WNK3: variants seen among roughly 807,000 people sequenced by gnomAD.
WNK3 encodes serine/threonine-protein kinase WNK3.
In WNK3, 18 loss-of-function variants were observed where a neutral mutation model predicts 116.7. The ratio of observed to expected loss-of-function variants is 0.15; its 90% CI spans 0.11 to 0.23. The LOEUF (loss-of-function observed/expected upper bound fraction) is 0.23, where lower values mean the gene tolerates loss of function less well. WNK3 is among the 10% of genes least tolerant of loss of function. WNK3 has a pLI of 1.00. For synonymous variants in WNK3, 404 were observed against 469.4 expected, an observed-to-expected ratio of 0.86 and a Z score of 1.80; for missense variants, 993 against 1,323.8, an observed-to-expected ratio of 0.75 and a Z score of 3.88.
chrX:54,244,698 C>T (rs1373321362), intron 17 of WNK3, among the ~76,000 whole-genome samples: 1 of 111,913 alleles, frequency 8.9e-6, no homozygotes, highest in Non-Finnish European at 1.9e-5. Context: ...TTCACCTTAT[C>T]TTATGTAAAG....
intron 6 of WNK3, among the ~76,000 whole-genome samples, chrX:54,298,662 T>A (rs1165142790): frequency 5.4e-5 from 6 of 111,780 alleles, no homozygotes; most frequent in African/African-American, 1.9e-4. Flanking sequence ...TAAAAATGAA[T>A]TCTTACAAGT....
Position 54,209,870 on chromosome X carries a change from G to T in WNK3, c.4871-7677C>A, listed in dbSNP as rs182265568. 6.6e-3 allele frequency among the ~76,000 whole-genome samples: 735 copies of T among 110,963 alleles called. 3 individuals are homozygous for T. Among genetic ancestry groups the T allele is most frequent in the Non-Finnish European group, 9.9e-3 (522 of 52,955 alleles). On this transcript the variant is annotated intron_variant, in intron 22 of 23. Coordinates refer to ENST00000354646, the Ensembl canonical transcript of WNK3. ...CTGGCCAAGCACTGCTTCCTAAAAT[G>T]GGTTCCCTGGTAAAATTGTTTTGGG...
At chrX:54,308,620 T>C (rs995243857) in intron 4 of WNK3, among the ~76,000 whole-genome samples, 12 of 112,451 alleles carry the variant, frequency 1.1e-4, no homozygotes, top group African/African-American at 3.9e-4. Context: ...ATTAATAAAA[T>C]GTTTTTATTT....
intron 1 of WNK3, among the ~76,000 whole-genome samples, chrX:54,345,240 TCAACAA>T (rs78968161): frequency 3.9e-4 from 36 of 93,147 alleles, no homozygotes; most frequent in East Asian, 7.0e-4. Context: ...AGACTCTGTC[TCAACAA>T]CAACAACAAC....
intron 10 of WNK3, among the ~76,000 whole-genome samples, chrX:54,270,011 T>A (rs1329254844): frequency 8.9e-6 from 1 of 111,968 alleles, no homozygotes; most frequent in Admixed American, 9.6e-5. Context: ...AGTTTTGTTT[T>A]TGAGAGGTAG....
At chrX:54,250,208 TTAAA>T (rs1345870468) in intron 15 of WNK3, 77 bp from the exon 16 acceptor site, 1 of 973,702 alleles carries the variant, frequency 1.0e-6, no homozygotes, top group Non-Finnish European at 1.4e-6. Context: ...AGAAGCCAGG[TTAAA>T]TAAACAATTT....
chrX:54,222,490 T>C (rs1189221967), intron 22 of WNK3, among the ~76,000 whole-genome samples: 2 of 104,402 alleles, frequency 1.9e-5, no homozygotes, highest in African/African-American at 7.0e-5. Context: ...GCCCGGGAGG[T>C]TGAGGTTATA....
At chrX:54,345,282 A>ATGTATGTATG (rs1569539566) in intron 1 of WNK3, among the ~76,000 whole-genome samples, 19 of 100,921 alleles carry the variant, frequency 1.9e-4, no homozygotes, top group South Asian at 9.1e-4. Context: ...AACTATATAT[A>ATGTATGTATG]TATGTATGTA....
chrX:54,214,658 C>T (rs782354811), intron 22 of WNK3, among the ~76,000 whole-genome samples: 1 of 111,470 alleles, frequency 9.0e-6, no homozygotes, highest in African/African-American at 3.3e-5. Context: ...TTGTGGTAGC[C>T]AACAAACAGC....
In WNK3 at chrX:54,333,786, T is replaced by C. The variant is rs183731352; in HGVS notation, c.-113A>G. The C allele has an allele frequency of 5.7e-5, 29 of 512,085 alleles. No homozygotes were observed. The highest frequency in any genetic ancestry group is 4.3e-4 in the African/African-American group (18 of 42,257). 42.2% of individuals were successfully genotyped at this position (512,085 alleles called of 1,213,427 possible). ...CCTTTTGCGTGGTCATGTATTTCCA[T>C]AGCAACCTGAAGGGGGGGAAAAAGA... On this transcript the variant is annotated 5_prime_UTR_variant, in exon 2 of 24. It removes an upstream start codon present in the reference 5' UTR. Transcript: ENST00000354646.
intron 1 of WNK3, among the ~76,000 whole-genome samples, chrX:54,334,316 G>T (rs1325668843): frequency 9.0e-6 from 1 of 111,384 alleles, no homozygotes; most frequent in East Asian, 2.8e-4. Flanking sequence ...TACTATCCAT[G>T]CCCAGAGCTT....
At chrX:54,288,359 C>G (rs2068603189) in intron 10 of WNK3, among the ~76,000 whole-genome samples, 1 of 111,601 alleles carries the variant, frequency 9.0e-6, no homozygotes, top group African/African-American at 3.3e-5. Context: ...AATGAGGTAC[C>G]TGCTGCTGGA....
chrX:54,346,148 T>C (rs1302924483), intron 1 of WNK3, among the ~76,000 whole-genome samples: 2 of 106,094 alleles, frequency 1.9e-5, no homozygotes, highest in East Asian at 5.8e-4. Context: ...ATATATGTTG[T>C]GTTTATAAAT....
At chrX:54,198,700 G>A in intron 23 of WNK3, 47 bp from the exon 24 acceptor site, 1 of 960,628 alleles carries the variant, frequency 1.0e-6, no homozygotes. Flanking sequence ...ATTTGGTATA[G>A]ACTTTTATCA....
intron 2 of WNK3, among the ~76,000 whole-genome samples, chrX:54,318,719 CA>C (rs1247372344): frequency 4.5e-5 from 5 of 110,792 alleles, no homozygotes; most frequent in African/African-American, 1.6e-4. Flanking sequence ...ATAAGGAACT[CA>C]GAGAACAAAA....
intron 22 of WNK3, among the ~76,000 whole-genome samples, chrX:54,220,391 TA>T (rs200473766): frequency 8.4e-5 from 9 of 106,579 alleles, no homozygotes; most frequent in South Asian, 4.1e-4. Context: ...CCATCTCTAT[TA>T]AAAAAAAAAT....
intron 1 of WNK3, among the ~76,000 whole-genome samples, chrX:54,352,699 T>C (rs974636666): frequency 4.5e-5 from 5 of 111,374 alleles, no homozygotes; most frequent in African/African-American, 6.5e-5. Flanking sequence ...CATAGGATTA[T>C]ATATGACCTA....
intron 10 of WNK3, among the ~76,000 whole-genome samples, chrX:54,281,768 GATTTCCTGA>G (rs1312607390): frequency 9.0e-6 from 1 of 111,090 alleles, no homozygotes; most frequent in East Asian, 2.9e-4. Context: ...TTTAGTGGCT[GATTTCCTGA>G]ATTTCCTTCT....
intron 7 of WNK3, among the ~76,000 whole-genome samples, chrX:54,297,576 CAA>C (rs782695359): frequency 1.3e-5 from 1 of 77,090 alleles, no homozygotes. Flanking sequence ...GACTCCATCT[CAA>C]AAAAAAAAAA....
Sources: allele counts gnomAD v4.1 joint callset (sites outside exome capture counted in the v4.1 genomes callset), GRCh38; gene constraint gnomAD v4.1.1; transcripts MANE v1.5; gene names NCBI Gene and HGNC (gene_info 2026-07-23, HGNC 2026-07-21).